TMEM266: variants seen among roughly 807,000 people sequenced by gnomAD.
The protein encoded by TMEM266 is transmembrane protein 266.
Under a neutral mutation model 50.5 loss-of-function variants are expected in TMEM266, and 33 were observed. The observed-to-expected ratio is 0.65, with a 90% confidence interval of 0.50 to 0.87. TMEM266 has a LOEUF of 0.87. TMEM266 is among the 40% of genes least tolerant of loss of function. TMEM266 has a pLI of 0.00. For missense variants in TMEM266, 655 were observed against 695.1 expected, an observed-to-expected ratio of 0.94 and a Z score of 0.65; for synonymous variants, 310 against 292.3, an observed-to-expected ratio of 1.06 and a Z score of -0.62.
chr15:76,170,725 G>C (rs191277896), intron 6 of TMEM266, among the ~76,000 whole-genome samples: 49 of 152,318 alleles, frequency 3.2e-4, no homozygotes, highest in African/African-American at 1.1e-3. Context: ...TCTTGAGAAG[G>C]GGCAAGACAG....
At chr15:76,191,609 C>G (rs971173301) in intron 8 of TMEM266, 2 of 196,210 alleles carry the variant, frequency 1.0e-5, no homozygotes, top group East Asian at 2.6e-4. Context: ...CCCTTGGGGT[C>G]ACACATCTGG....
intron 1 of TMEM266, among the ~76,000 whole-genome samples, chr15:76,128,604 G>A (rs921912889): frequency 4.6e-5 from 7 of 152,288 alleles, no homozygotes; most frequent in Non-Finnish European, 1.0e-4. Flanking sequence ...CTAGGCTTGT[G>A]TTTTGAGGGT....
chr15:76,195,694 C>T (rs924748993), intron 9 of TMEM266, among the ~76,000 whole-genome samples: 2 of 152,234 alleles, frequency 1.3e-5, no homozygotes, highest in African/African-American at 4.8e-5. Context: ...GGTCTAAGCA[C>T]TCCCGGTACA....
chr15:76,163,715 T>C (rs1476952088), intron 5 of TMEM266, among the ~76,000 whole-genome samples: 3 of 151,636 alleles, frequency 2.0e-5, no homozygotes, highest in Non-Finnish European at 4.4e-5. Flanking sequence ...CAGGGCCCAG[T>C]GCAGGCTGTG....
chr15:76,122,509 G>A (rs150691991), intron 1 of TMEM266, among the ~76,000 whole-genome samples: 289 of 152,246 alleles, frequency 1.9e-3, no homozygotes, highest in African/African-American at 6.1e-3. Context: ...GTATTCACTG[G>A]CAAAGTTAAT....
At chr15:76,082,970 A>AAACAACAAC (rs35634458) in intron 1 of TMEM266, among the ~76,000 whole-genome samples, 3 of 150,082 alleles carry the variant, frequency 2.0e-5, no homozygotes, top group Admixed American at 6.6e-5. Context: ...CTCTGTCTAA[A>AAACAACAAC]AACAACAACA....
At chr15:76,087,391 G>A (rs1273943815) in intron 1 of TMEM266, among the ~76,000 whole-genome samples, 2 of 152,184 alleles carry the variant, frequency 1.3e-5, no homozygotes, top group Non-Finnish European at 2.9e-5. Context: ...AAGAAAATTT[G>A]GGGTTATACC....
intron 9 of TMEM266, among the ~76,000 whole-genome samples, chr15:76,199,608 A>C (rs1484775733): frequency 1.3e-5 from 2 of 152,144 alleles, no homozygotes; most frequent in East Asian, 3.9e-4. Context: ...ACACGCTCGG[A>C]GGATGTGAGG....
Position 76,175,609 on chromosome 15 carries a change from G to A in TMEM266, c.703G>A (p.Glu235Lys), listed in dbSNP as rs761300568. 21 of 1,614,068 alleles carry A rather than the reference G, an allele frequency of 1.3e-5. 1 individual carries two copies. Among genetic ancestry groups the A allele is most frequent in the East Asian group, 6.7e-5 (3 of 44,894 alleles). ...QYEKAKVIQD[E>K]QLERLTQICQ... ...GATGGAGATGGTTATCCAGCAGTACGAGAAGGCCAAGGTCATCCAAGACGA... is the reference window on the plus strand; with the variant it reads ...GATGGAGATGGTTATCCAGCAGTACAAGAAGGCCAAGGTCATCCAAGACGA... The change falls in exon 8 of 11, where the codon GAG becomes AAG. Residue 235 changes from glutamate (E) to lysine (K), a missense_variant. Around this residue, in one of 3 missense-constraint regions of TMEM266, gnomAD observed 101 missense variants for 182.6 expected, o/e 0.55. Transcript: ENST00000388942.
chr15:76,066,101 A>AT (rs374442688), intron 1 of TMEM266, among the ~76,000 whole-genome samples: 74 of 152,368 alleles, frequency 4.9e-4, no homozygotes, highest in African/African-American at 1.7e-3. Flanking sequence ...CTTTTAAAAA[A>AT]TATCTTCCTC....
At chr15:76,172,408 T>A (rs977676860) in intron 7 of TMEM266, among the ~76,000 whole-genome samples, 3 of 152,172 alleles carry the variant, frequency 2.0e-5, no homozygotes, top group Non-Finnish European at 2.9e-5. Context: ...TGAATTTTGA[T>A]TGCAGATGAT....
At chr15:76,111,944 G>A (rs1403602155) in intron 1 of TMEM266, 1 of 152,198 alleles carries the variant, frequency 6.6e-6, no homozygotes, top group South Asian at 2.1e-4. Context: ...ATATTTATCA[G>A]GAATAAAAAG....
At chr15:76,137,957 C>T in intron 3 of TMEM266, 62 bp downstream of exon 3, 1 of 1,481,276 alleles carries the variant, frequency 6.8e-7, no homozygotes, top group South Asian at 1.4e-5. Context: ...CGCGGTGGCT[C>T]ACGCCTGTAA....
chr15:76,164,277 C>T (rs1053545222), intron 5 of TMEM266, among the ~76,000 whole-genome samples: 1 of 152,212 alleles, frequency 6.6e-6, no homozygotes, highest in Non-Finnish European at 1.5e-5. Context: ...CCAATCACAG[C>T]TCACTGCAGC....
At chr15:76,061,834 T>G (rs1498195) in intron 1 of TMEM266, among the ~76,000 whole-genome samples, 6,247 of 152,250 alleles carry the variant, frequency 0.041, 447 homozygotes, top group African/African-American at 0.14. Context: ...TTGCTGCCCT[T>G]CACACTATCT....
rs945629296 is a variant in TMEM266 at position 76,160,019 on chromosome 15, C to T, written c.383-76C>T. The T allele has an allele frequency of 1.5e-5, 21 of 1,420,732 alleles. No homozygotes were observed. The highest frequency in any genetic ancestry group is 1.1e-4 in the African/African-American group (8 of 70,884). The allele number at this position is 1,420,732 out of a possible 1,614,324, so 88.0% of individuals were successfully genotyped here. On this transcript the variant is annotated intron_variant, in intron 4 of 10. Coordinates refer to ENST00000388942, the MANE Select transcript of TMEM266 (RefSeq NM_152335.3). The surrounding 1 kb of genome is among the most constrained non-coding windows in gnomAD (Gnocchi z 5.7). The stretch of plus-strand genomic sequence containing the variant: ...GGCCCCGGGGTCCCAGAGGTCTGGA[C>T]GGATGCTGCGAAGCCCCCATAGCAA...
intron 3 of TMEM266, among the ~76,000 whole-genome samples, chr15:76,156,057 C>T (rs1366838212): frequency 6.6e-6 from 1 of 152,238 alleles, no homozygotes; most frequent in Non-Finnish European, 1.5e-5. Flanking sequence ...GCTGCATGAG[C>T]TGCAGGTTTG....
At chr15:76,158,848 A>C (rs1166354352) in intron 4 of TMEM266, among the ~76,000 whole-genome samples, 1 of 152,106 alleles carries the variant, frequency 6.6e-6, no homozygotes, top group African/African-American at 2.4e-5. Context: ...GGGGCCTCAG[A>C]GTCTCCCACC....
chr15:76,180,212 T>C (rs2038377127), intron 8 of TMEM266, among the ~76,000 whole-genome samples: 1 of 152,206 alleles, frequency 6.6e-6, no homozygotes. Flanking sequence ...CAAACCCACA[T>C]TGATACGGTA....
Sources: allele counts gnomAD v4.1 joint callset (sites outside exome capture counted in the v4.1 genomes callset), GRCh38; gene constraint gnomAD v4.1.1; regional missense constraint gnomAD v4.1.1; non-coding constraint Gnocchi (gnomAD v3.1); transcripts MANE v1.5; gene names NCBI Gene and HGNC (gene_info 2026-07-23, HGNC 2026-07-21).